Variants in SEMA5A observed in about 807,000 individuals in gnomAD.
SEMA5A encodes the protein semaphorin 5A, also known as semaphorin-5A.
Under a neutral mutation model 135.5 loss-of-function variants are expected in SEMA5A, and 55 were observed. That is an observed-to-expected ratio of 0.41 (90% CI 0.33 to 0.51). The LOEUF (loss-of-function observed/expected upper bound fraction) is 0.51, where lower values mean the gene tolerates loss of function less well. Among genes scored for constraint, SEMA5A ranks in the 20% least tolerant of loss-of-function variants. The pLI, the probability that SEMA5A is intolerant of heterozygous loss-of-function variation, is 0.37. For synonymous variants in SEMA5A, 580 were observed against 546.5 expected (o/e 1.06, Z -0.85); for missense variants, 1,290 against 1,419.9 (o/e 0.91, Z 1.47).
chr5:9,385,794 C>CTTTTTTT lies in SEMA5A; in HGVS notation c.-77-5778_-77-5772dup, dbSNP rs5865830. Among the ~76,000 whole-genome samples, 8 of 109,986 alleles carry CTTTTTTT rather than the reference C, an allele frequency of 7.3e-5. 1 individual carries two copies. Among genetic ancestry groups the CTTTTTTT allele is most frequent in the Non-Finnish European group, 8.8e-5 (5 of 56,888 alleles). The allele number at this position is 109,986 out of a possible 152,430, so 72.2% of individuals were successfully genotyped here. A position where few individuals can be genotyped will look rare whatever the true frequency, so the allele number is the denominator to read the frequency against. On this transcript the variant is annotated intron_variant, in intron 2 of 22. Transcript: ENST00000382496. Reference sequence around the variant, plus strand: ...TTGCAGGAGAAGGAGTTGGAAAGCGCTTTTTTTTTTTTTTTTTTTTGAGAC... The same window carrying CTTTTTTT: ...TTGCAGGAGAAGGAGTTGGAAAGCGCTTTTTTTTTTTTTTTTTTTTTTTTTTTGAGAC...
At chr5:9,450,496 A>C (rs754401869) in intron 1 of SEMA5A, among the ~76,000 whole-genome samples, 1 of 151,704 alleles carries the variant, frequency 6.6e-6, no homozygotes, top group Non-Finnish European at 1.5e-5. Context: ...TGCTGTCTGG[A>C]CTCCCATTCT....
chr5:9,312,138 G>T (rs1266934122), intron 5 of SEMA5A, among the ~76,000 whole-genome samples: 1 of 151,924 alleles, frequency 6.6e-6, no homozygotes, highest in African/African-American at 2.4e-5. Context: ...ATTAGTCTGA[G>T]GCCAGCTCCA....
At position 9,153,305 on chromosome 5, in the gene SEMA5A, G is replaced by A. The variant is rs566692308; in HGVS notation, c.1481+1183C>T. ...TTAAGATTCTGATTTCCCCAAGGGC[G>A]ATCTTTTGTCAGGGATCAGAGTGTA... On this transcript the variant is annotated intron_variant, in intron 12 of 22. Coordinates refer to ENST00000382496, the MANE Select transcript of SEMA5A (RefSeq NM_003966.3). Among the ~76,000 whole-genome samples, 10 of 152,296 alleles carry A rather than the reference G, an allele frequency of 6.6e-5. No individual in the cohort carries two copies. In the South Asian group the frequency reaches 1.0e-3, roughly 16 times the overall value.
intron 8 of SEMA5A, among the ~76,000 whole-genome samples, chr5:9,202,921 A>G (rs1745799671): frequency 6.6e-6 from 1 of 152,140 alleles, no homozygotes; most frequent in African/African-American, 2.4e-5. Flanking sequence ...GAGTATGGGG[A>G]TGGAGACATT....
At chr5:9,093,438 G>A (rs1739144455) in intron 16 of SEMA5A, among the ~76,000 whole-genome samples, 1 of 152,200 alleles carries the variant, frequency 6.6e-6, no homozygotes, top group African/African-American at 2.4e-5. Context: ...GCCGGGCGTG[G>A]TAGCTCATGC....
intron 8 of SEMA5A, among the ~76,000 whole-genome samples, chr5:9,214,402 G>C (rs28435264): frequency 2.6e-5 from 4 of 152,198 alleles, no homozygotes; most frequent in Admixed American, 1.3e-4. Context: ...GAGGATCAGG[G>C]GGAAGGGAGT....
intron 1 of SEMA5A, among the ~76,000 whole-genome samples, chr5:9,530,347 T>C (rs1042871960): frequency 2.6e-5 from 4 of 152,206 alleles, no homozygotes; most frequent in Non-Finnish European, 5.9e-5. Context: ...TCTTTTGAGA[T>C]TGCACAGAAT....
chr5:9,497,329 C>G (rs1319133421), intron 1 of SEMA5A, among the ~76,000 whole-genome samples: 2 of 152,126 alleles, frequency 1.3e-5, no homozygotes, highest in Non-Finnish European at 2.9e-5. Flanking sequence ...TTTAAAAAAG[C>G]CCTGACATTT....
rs981496717 is a variant in SEMA5A at position 9,204,231 on chromosome 5, C to T, written c.647-1991G>A. ...CAAAAACAGCAACAAGCAACCCTTC[C>T]TAAAATGTGGAAAACAAAGAGAGAA... On this transcript the variant is annotated intron_variant, in intron 8 of 22. Transcript: ENST00000382496. This position sits in a 1 kb window ranked among gnomAD's most constrained non-coding sequence, Gnocchi z 6.4. 5.3e-5 allele frequency among the ~76,000 whole-genome samples: 8 copies of T among 152,100 alleles called. No homozygotes were observed. The highest frequency in any genetic ancestry group is 1.9e-4 in the African/African-American group (8 of 41,410).
intron 6 of SEMA5A, among the ~76,000 whole-genome samples, chr5:9,234,062 A>G (rs901706162): frequency 6.6e-6 from 1 of 152,230 alleles, no homozygotes; most frequent in South Asian, 2.1e-4. Flanking sequence ...GCAAAACTAC[A>G]AAACAGCTGA....
intron 8 of SEMA5A, among the ~76,000 whole-genome samples, chr5:9,215,170 C>T (rs570484627): frequency 5.3e-4 from 81 of 152,318 alleles, no homozygotes; most frequent in Middle Eastern, 6.8e-3. Context: ...AAGAAGACAA[C>T]GCCATCTGCT....
chr5:9,050,297 C>G (rs1736494254), intron 21 of SEMA5A, 113 bp downstream of exon 21: 1 of 921,972 alleles, frequency 1.1e-6, no homozygotes, highest in Middle Eastern at 2.2e-4. Flanking sequence ...ATGACTTTCT[C>G]CGGTTTTTCA....
At position 9,042,794 on chromosome 5, in the gene SEMA5A, A is replaced by G; in HGVS notation, c.*103T>C. On this transcript the variant is annotated 3_prime_UTR_variant, in exon 23 of 23. Coordinates refer to ENST00000382496, the MANE Select transcript of SEMA5A (RefSeq NM_003966.3). ...TCTGGTGGCTTGAAATGCACTTGAA[A>G]TGTATCCAAACTTCGACTCTGAAGC... 1.4e-6 allele frequency: 2 copies of G among 1,424,614 alleles called. No individual in the cohort carries two copies. The highest frequency in any genetic ancestry group is 2.0e-6 in the Non-Finnish European group (2 of 1,025,160). The allele number at this position is 1,424,614 out of a possible 1,614,324, so 88.2% of individuals were successfully genotyped here.
intron 10 of SEMA5A, among the ~76,000 whole-genome samples, chr5:9,194,769 A>G (rs551392030): frequency 1.3e-5 from 2 of 152,356 alleles, no homozygotes; most frequent in South Asian, 4.1e-4. Flanking sequence ...CAATTTCTGC[A>G]TGCTTCATTC....
intron 4 of SEMA5A, among the ~76,000 whole-genome samples, chr5:9,327,235 T>C (rs561427934): frequency 3.0e-4 from 46 of 152,320 alleles, no homozygotes; most frequent in African/African-American, 1.0e-3. Context: ...ATTTATAATA[T>C]GGTCATGTGA....
chr5:9,524,925 C>T (rs1737044193), intron 1 of SEMA5A, among the ~76,000 whole-genome samples: 1 of 152,114 alleles, frequency 6.6e-6, no homozygotes, highest in South Asian at 2.1e-4. Context: ...GGCTTAGATA[C>T]CATGGCAGGC....
Position 9,411,812 on chromosome 5 carries a change from G to A in SEMA5A, c.-78+25944C>T, listed in dbSNP as rs1458029343. ...CAAAAAATTAGCCGGGCGTAGTGGC[G>A]GGCGCCTGTAGTCCCAGCTACTTGG... is the stretch of plus-strand genomic sequence containing the variant. On this transcript the variant is annotated intron_variant, in intron 2 of 22. Coordinates refer to ENST00000382496, the MANE Select transcript of SEMA5A (RefSeq NM_003966.3). Among the ~76,000 whole-genome samples, 4 of 3,862 alleles carry A rather than the reference G, an allele frequency of 1.0e-3. 2 individuals are homozygous for A. The highest frequency in any genetic ancestry group is 1.1e-3 in the African/African-American group (4 of 3,622). The allele number at this position is 3,862 out of a possible 152,430, so 2.5% of individuals were successfully genotyped here.
intron 16 of SEMA5A, among the ~76,000 whole-genome samples, chr5:9,076,557 C>T (rs1259795604): frequency 6.6e-6 from 1 of 152,116 alleles, no homozygotes; most frequent in African/African-American, 2.4e-5. Flanking sequence ...ACCCTAAATA[C>T]CCTGACTTGA....
At chr5:9,362,794 GT>G (rs1169179091) in intron 3 of SEMA5A, among the ~76,000 whole-genome samples, 2 of 152,184 alleles carry the variant, frequency 1.3e-5, no homozygotes, top group East Asian at 3.8e-4. Context: ...GATTTCTATG[GT>G]TAGGAGCTGA....
Sources: allele counts gnomAD v4.1 joint callset (sites outside exome capture counted in the v4.1 genomes callset), GRCh38; gene constraint gnomAD v4.1.1; non-coding constraint Gnocchi (gnomAD v3.1); transcripts MANE v1.5; gene names NCBI Gene and HGNC (gene_info 2026-07-23, HGNC 2026-07-21).